The following MALRD1 variants were observed in gnomAD, a reference collection of about 807,000 sequenced individuals.
The protein encoded by MALRD1 is MAM and LDL receptor class A domain containing 1.
Under a neutral mutation model 242.1 loss-of-function variants are expected in MALRD1, and 247 were observed. The ratio of observed to expected loss-of-function variants is 1.02; its 90% CI spans 0.92 to 1.13. MALRD1 has a LOEUF of 1.13. Ranked by LOEUF, MALRD1 falls within the 50% of genes most tolerant of loss-of-function variation. The probability of loss-of-function intolerance (pLI) is 0.00; values close to 1 mark genes in which losing one functional copy is unlikely to be tolerated. For synonymous variants in MALRD1, 995 were observed against 866.6 expected, an observed-to-expected ratio of 1.15 and a Z score of -2.60; for missense variants, 2,989 against 2,533.1, an observed-to-expected ratio of 1.18 and a Z score of -3.86.
At chr10:19,229,488 T>C (rs1470462328) in intron 18 of MALRD1, among the ~76,000 whole-genome samples, 2 of 152,154 alleles carry the variant, frequency 1.3e-5, no homozygotes, top group Non-Finnish European at 2.9e-5. Flanking sequence ...TGCTCCTGGT[T>C]CCGCTGGCTG....
chr10:19,217,421 T>C (rs1182157811), intron 18 of MALRD1, among the ~76,000 whole-genome samples: 2 of 151,390 alleles, frequency 1.3e-5, no homozygotes, highest in African/African-American at 4.9e-5. Context: ...TTCAGGTTAG[T>C]TTTTTACTTC....
intron 24 of MALRD1, among the ~76,000 whole-genome samples, chr10:19,338,261 A>G (rs1014656234): frequency 1.3e-5 from 2 of 152,052 alleles, no homozygotes; most frequent in African/African-American, 2.4e-5. Context: ...AATAACATGT[A>G]TCGACTACCA....
intron 24 of MALRD1, among the ~76,000 whole-genome samples, chr10:19,333,830 A>G (rs1221326612): frequency 6.6e-6 from 1 of 151,936 alleles, no homozygotes; most frequent in East Asian, 1.9e-4. Flanking sequence ...GCTTTTTAAT[A>G]AAGGCATTTT....
At position 19,048,822 on chromosome 10, in the gene MALRD1, T is replaced by TCTAGATACCA; in HGVS notation, c.-117_-116insCTAGATACCA. 3.1e-5 allele frequency: 22 copies of TCTAGATACCA among 716,596 alleles called. No homozygotes were observed. Among genetic ancestry groups the TCTAGATACCA allele is most frequent in the Non-Finnish European group, 4.3e-5 (22 of 517,516 alleles). The allele number at this position is 716,596 out of a possible 1,614,324, so 44.4% of individuals were successfully genotyped here. On this transcript the variant is annotated 5_prime_UTR_variant, in exon 1 of 40. Coordinates refer to ENST00000454679, the MANE Select transcript of MALRD1 (RefSeq NM_001142308.3). Reference sequence around the variant, plus strand: ...TGTTAGAGTTGCAGATAGTTACCAATAGTATCCAGTTATAAGAAGCAAATC... The same window carrying TCTAGATACCA: ...TGTTAGAGTTGCAGATAGTTACCAATCTAGATACCAAGTATCCAGTTATAAGAAGCAAATC...
At chr10:19,633,840 CTT>C (rs1041174965) in intron 36 of MALRD1, 29 of 126,500 alleles carry the variant, frequency 2.3e-4, no homozygotes, top group Non-Finnish European at 2.6e-4. Flanking sequence ...TCTTTTCTTT[CTT>C]TTTTTTTTTT....
intron 24 of MALRD1, among the ~76,000 whole-genome samples, chr10:19,347,052 C>T (rs1261539038): frequency 2.6e-5 from 4 of 152,132 alleles, no homozygotes; most frequent in Non-Finnish European, 5.9e-5. Context: ...CTTCATACAA[C>T]AATGCTCAGT....
chr10:19,579,439 T>C (rs1043356723), intron 33 of MALRD1, among the ~76,000 whole-genome samples: 6 of 152,176 alleles, frequency 3.9e-5, no homozygotes, highest in African/African-American at 1.4e-4. Flanking sequence ...CGGTATGTGA[T>C]GAGAGATGGC....
At chr10:19,600,752 C>G (rs1027617917) in intron 34 of MALRD1, among the ~76,000 whole-genome samples, 16 of 152,122 alleles carry the variant, frequency 1.1e-4, no homozygotes, top group African/African-American at 3.9e-4. Context: ...ATGAACCATT[C>G]ATGAATTGTT....
chr10:19,252,224 A>G (rs961842778), intron 18 of MALRD1, among the ~76,000 whole-genome samples: 5 of 151,968 alleles, frequency 3.3e-5, no homozygotes, highest in Admixed American at 6.6e-5. Flanking sequence ...TCTTCTTGTG[A>G]GATATCCTAC....
chr10:19,486,720 C>A (rs1343288069), intron 29 of MALRD1, among the ~76,000 whole-genome samples: 2 of 152,076 alleles, frequency 1.3e-5, no homozygotes, highest in African/African-American at 2.4e-5. Flanking sequence ...AATAAAACAA[C>A]AAGTGTTTCT....
chr10:19,323,152 G>A (rs1307671346), intron 21 of MALRD1, among the ~76,000 whole-genome samples: 1 of 152,120 alleles, frequency 6.6e-6, no homozygotes, highest in Non-Finnish European at 1.5e-5. Flanking sequence ...GTGTTGAAGT[G>A]AAACTGAGCT....
chr10:19,381,975 G>T (rs1046955200), intron 26 of MALRD1, among the ~76,000 whole-genome samples: 80 of 152,038 alleles, frequency 5.3e-4, no homozygotes, highest in African/African-American at 1.9e-3. Context: ...ACATTATTTT[G>T]ACCAATGGTA....
rs1354435124 is a variant in MALRD1, at chr10:19,389,512, G to C, written c.4748G>C (p.Arg1583Thr). The C allele has an allele frequency of 6.4e-7, 1 of 1,550,612 alleles. No homozygotes were observed. The highest frequency in any genetic ancestry group is 8.7e-7 in the Non-Finnish European group (1 of 1,146,952). ...VGLRGDKAHFRSTMWRESSAA... is the reference protein window; with the variant it reads ...VGLRGDKAHFTSTMWRESSAA... The stretch of plus-strand genomic sequence containing the variant: ...CTTCGGGGTGACAAAGCACACTTCA[G>C]GAGTACCATGTGGCGAGAATCCAGT... The change falls in exon 28 of 40, where the codon AGG becomes ACG. Residue 1583 changes from arginine to threonine, a missense_variant. Coordinates refer to ENST00000454679, the MANE Select transcript of MALRD1 (RefSeq NM_001142308.3).
intron 36 of MALRD1, among the ~76,000 whole-genome samples, chr10:19,674,332 A>G (rs551167614): frequency 2.0e-5 from 3 of 152,308 alleles, no homozygotes; most frequent in Admixed American, 6.5e-5. Flanking sequence ...TCGGTAGCCA[A>G]CATGTTCAGA....
intron 38 of MALRD1, among the ~76,000 whole-genome samples, chr10:19,725,843 G>T (rs1226427623): frequency 6.6e-6 from 1 of 152,166 alleles, no homozygotes; most frequent in Non-Finnish European, 1.5e-5. Context: ...ATCCAATGGG[G>T]ATCAAATAGT....
At chr10:19,681,309 G>A (rs1003653787) in intron 36 of MALRD1, among the ~76,000 whole-genome samples, 15 of 151,862 alleles carry the variant, frequency 9.9e-5, no homozygotes, top group Admixed American at 6.6e-5. Flanking sequence ...TCATGGGTTC[G>A]GTCTTTTTGC....
At chr10:19,626,314 T>TG (rs1839649253) in intron 36 of MALRD1, among the ~76,000 whole-genome samples, 1 of 150,206 alleles carries the variant, frequency 6.7e-6, no homozygotes, top group Admixed American at 6.6e-5. Context: ...TTTTTTTTTT[T>TG]AAGTCAGGGA....
At chr10:19,613,006 C>T (rs1838971274) in intron 35 of MALRD1, among the ~76,000 whole-genome samples, 1 of 151,996 alleles carries the variant, frequency 6.6e-6, no homozygotes, top group South Asian at 2.1e-4. Flanking sequence ...TGTTTTACTT[C>T]AATACGTATT....
At chr10:19,252,707 C>A (rs1034408263) in intron 18 of MALRD1, among the ~76,000 whole-genome samples, 4 of 151,930 alleles carry the variant, frequency 2.6e-5, no homozygotes, top group Non-Finnish European at 5.9e-5. Context: ...TTTAATATGG[C>A]ACTTATGACC....
Sources: allele counts gnomAD v4.1 joint callset (sites outside exome capture counted in the v4.1 genomes callset), GRCh38; gene constraint gnomAD v4.1.1; transcripts MANE v1.5; gene names NCBI Gene and HGNC (gene_info 2026-07-23, HGNC 2026-07-21).